MARCHF8: variants seen among roughly 807,000 people sequenced by gnomAD.
The protein encoded by MARCHF8 is E3 ubiquitin-protein ligase MARCHF8.
A neutral mutation model predicts 51.6 loss-of-function variants in MARCHF8; 40 were observed. That is an observed-to-expected ratio of 0.77 (90% CI 0.60 to 1.01). MARCHF8 has a LOEUF of 1.01. Among genes scored for constraint, MARCHF8 ranks in the 50% least tolerant of loss-of-function variants. The pLI is 0.00. For missense variants in MARCHF8, 685 were observed against 708.6 expected, an observed-to-expected ratio of 0.97 and a Z score of 0.38; for synonymous variants, 263 against 280.3, an observed-to-expected ratio of 0.94 and a Z score of 0.62.
chr10:45,467,824 G>A (rs757086700), intron 3 of MARCHF8, among the ~76,000 whole-genome samples: 32 of 152,144 alleles, frequency 2.1e-4, no homozygotes, highest in African/African-American at 6.5e-4. Context: ...GACCACACAC[G>A]ACTCGACAAT....
chr10:45,523,136 G>T (rs1369022289), intron 2 of MARCHF8, among the ~76,000 whole-genome samples: 2 of 152,160 alleles, frequency 1.3e-5, no homozygotes, highest in Non-Finnish European at 2.9e-5. Context: ...TGTAAAATAA[G>T]GAAGTCATCT....
At chr10:45,575,882 C>G (rs181637175) in intron 1 of MARCHF8, among the ~76,000 whole-genome samples, 2 of 152,242 alleles carry the variant, frequency 1.3e-5, no homozygotes, top group East Asian at 3.9e-4. Flanking sequence ...GAAAGCTCCC[C>G]CAATGAACAC....
chr10:45,548,045 A>G (rs2044148524), intron 1 of MARCHF8, among the ~76,000 whole-genome samples: 1 of 152,216 alleles, frequency 6.6e-6, no homozygotes, highest in African/African-American at 2.4e-5. Flanking sequence ...ATGTTCTTTC[A>G]TCTTTATTCT....
intron 2 of MARCHF8, among the ~76,000 whole-genome samples, chr10:45,520,625 C>T (rs1229524546): frequency 6.6e-6 from 1 of 152,216 alleles, no homozygotes; most frequent in Non-Finnish European, 1.5e-5. Flanking sequence ...GGGACTCCAT[C>T]AGGCGCTTTT....
At position 45,554,891 on chromosome 10, in the gene MARCHF8, C is replaced by T. The variant is rs147248362; in HGVS notation, c.-78-21602G>A. Among the ~76,000 whole-genome samples the T allele has an allele frequency of 6.0e-3, 917 of 152,134 alleles. 10 individuals carry two copies. Among genetic ancestry groups the T allele is most frequent in the African/African-American group, 0.021 (860 of 41,510 alleles). ...CCGATGTGATAAAACCCCGTCTCTA[C>T]TAAAAATACAAAAATTAGCCAGGCG... On this transcript the variant is annotated intron_variant, in intron 1 of 6. Transcript: ENST00000319836.
chr10:45,565,119 T>C (rs949204710), intron 1 of MARCHF8, among the ~76,000 whole-genome samples: 2 of 152,118 alleles, frequency 1.3e-5, no homozygotes, highest in Admixed American at 6.6e-5. Context: ...CACTGTATCA[T>C]GGGGCTTATA....
At chr10:45,570,598 T>C (rs2044418001) in intron 1 of MARCHF8, among the ~76,000 whole-genome samples, 1 of 152,166 alleles carries the variant, frequency 6.6e-6, no homozygotes, top group South Asian at 2.1e-4. Flanking sequence ...CATTATATTA[T>C]ATAGAAGATC....
At chr10:45,551,923 C>T (rs2044200000) in intron 1 of MARCHF8, among the ~76,000 whole-genome samples, 1 of 152,038 alleles carries the variant, frequency 6.6e-6, no homozygotes, top group Non-Finnish European at 1.5e-5. Flanking sequence ...TACAATATAT[C>T]ACATAGTTTA....
At chr10:45,470,746 G>GTCAACTC (rs1205816022) in intron 3 of MARCHF8, among the ~76,000 whole-genome samples, 1 of 152,120 alleles carries the variant, frequency 6.6e-6, no homozygotes, top group Non-Finnish European at 1.5e-5. Flanking sequence ...GCTCCTAACG[G>GTCAACTC]TCAACTCGGC....
At chr10:45,586,325 G>T (rs1467369693) in intron 1 of MARCHF8, among the ~76,000 whole-genome samples, 1 of 152,080 alleles carries the variant, frequency 6.6e-6, no homozygotes, top group African/African-American at 2.4e-5. Flanking sequence ...GTAGTGTTTT[G>T]TCTGGCTTCT....
intron 1 of MARCHF8, among the ~76,000 whole-genome samples, chr10:45,542,345 C>CAAA (rs60776762): frequency 4.1e-4 from 20 of 48,978 alleles, no homozygotes; most frequent in African/African-American, 9.4e-4. Flanking sequence ...GACTTCGTCT[C>CAAA]AAAAAAAAAA....
intron 1 of MARCHF8, among the ~76,000 whole-genome samples, chr10:45,547,575 T>C (rs977059219): frequency 7.2e-5 from 11 of 152,164 alleles, no homozygotes; most frequent in East Asian, 3.9e-4. Context: ...AATGTGATAG[T>C]GTGCAGCAAC....
intron 1 of MARCHF8, among the ~76,000 whole-genome samples, chr10:45,542,212 G>A (rs369904713): frequency 5.9e-5 from 9 of 151,824 alleles, no homozygotes; most frequent in African/African-American, 2.2e-4. Flanking sequence ...GGGGCATGGT[G>A]GCGGGCACCT....
At chr10:45,504,274 C>T (rs1331245184) in intron 2 of MARCHF8, among the ~76,000 whole-genome samples, 2 of 152,152 alleles carry the variant, frequency 1.3e-5, no homozygotes, top group Admixed American at 6.5e-5. Flanking sequence ...GTAGAAACCC[C>T]GTCTCTACTA....
At chr10:45,590,313 T>G (rs1416503671) in intron 1 of MARCHF8, among the ~76,000 whole-genome samples, 1 of 152,226 alleles carries the variant, frequency 6.6e-6, no homozygotes, top group Non-Finnish European at 1.5e-5. Flanking sequence ...GTTCCTTTTC[T>G]TTTTATGACT....
intron 1 of MARCHF8, among the ~76,000 whole-genome samples, chr10:45,547,180 T>C (rs2044136866): frequency 6.6e-6 from 1 of 152,176 alleles, no homozygotes; most frequent in African/African-American, 2.4e-5. Context: ...ATAAATAATT[T>C]AAACAGATAA....
intron 4 of MARCHF8, 113 bp from the exon 5 acceptor site, chr10:45,464,109 A>T (rs899980869): frequency 9.8e-6 from 15 of 1,524,570 alleles, no homozygotes; most frequent in African/African-American, 2.7e-5. Context: ...AGCAAACCAC[A>T]CATAAAACTC....
At chr10:45,554,652 G>A (rs2044231633) in intron 1 of MARCHF8, among the ~76,000 whole-genome samples, 1 of 152,222 alleles carries the variant, frequency 6.6e-6, no homozygotes, top group Non-Finnish European at 1.5e-5. Flanking sequence ...AGGTGCAGTG[G>A]CTCATGCCTG....
At chr10:45,459,887 G>A (rs1034286281) in intron 6 of MARCHF8, 25 of 985,186 alleles carry the variant, frequency 2.5e-5, no homozygotes, top group Non-Finnish European at 2.9e-5. Flanking sequence ...ACTGGTTTCC[G>A]AATCAGGAGA....
Sources: allele counts gnomAD v4.1 joint callset (sites outside exome capture counted in the v4.1 genomes callset), GRCh38; gene constraint gnomAD v4.1.1; transcripts MANE v1.5; gene names NCBI Gene and HGNC (gene_info 2026-07-23, HGNC 2026-07-21).